WNK1: variants seen among roughly 807,000 people sequenced by gnomAD.
The protein encoded by WNK1 is serine/threonine-protein kinase WNK1.
Under a neutral mutation model 222.8 loss-of-function variants are expected in WNK1, and 38 were observed. That is an observed-to-expected ratio of 0.17 (90% CI 0.13 to 0.22). WNK1 has a LOEUF of 0.22. Ranked by LOEUF, WNK1 falls within the 10% of genes least tolerant of loss-of-function variation. The pLI, the probability that WNK1 is intolerant of heterozygous loss-of-function variation, is 1.00. For synonymous variants in WNK1, 1,090 were observed against 1,092.9 expected (o/e 1.00, Z 0.05); for missense variants, 2,348 against 2,918.4 (o/e 0.80, Z 4.50).
At position 865,336 on chromosome 12, in the gene WNK1, C is replaced by T. The variant is rs1395497083; in HGVS notation, c.2139+3066C>T. 5 of 1,536,152 alleles carry T rather than the reference C, an allele frequency of 3.3e-6. No homozygotes were observed. In the South Asian group the frequency reaches 3.6e-5, roughly 11 times the overall value. On this transcript the variant is annotated intron_variant, in intron 8 of 27. Coordinates refer to ENST00000315939, the MANE Select transcript of WNK1 (RefSeq NM_018979.4). Reference sequence around the variant, plus strand: ...GCCTCTCAGCGCAAGCACCGACGCTCCAGCCTGCCTTCCCTCTTTGTCAGT... The same window carrying T: ...GCCTCTCAGCGCAAGCACCGACGCTTCAGCCTGCCTTCCCTCTTTGTCAGT...
chr12:840,751 T>C (rs1047179784), intron 4 of WNK1, among the ~76,000 whole-genome samples: 8 of 152,230 alleles, frequency 5.3e-5, no homozygotes, highest in African/African-American at 1.9e-4. Flanking sequence ...TGTAAGAAAT[T>C]ACTGATCTAC....
intron 1 of WNK1, among the ~76,000 whole-genome samples, chr12:781,547 G>A (rs901996222): frequency 7.2e-5 from 11 of 152,166 alleles, no homozygotes; most frequent in Non-Finnish European, 1.5e-4. Context: ...TGTGTGTGAA[G>A]TTTTATAATT....
In WNK1 at chr12:900,683, C is replaced by T. The variant is rs765477070; in HGVS notation, c.6643+13C>T. 5 of 1,614,094 alleles carry T rather than the reference C, an allele frequency of 3.1e-6. No individual in the cohort carries two copies. The Admixed American group carries it at 6.7e-5, about 22-fold the overall frequency. ...GCTCCAGGTCAAGGTAATAAAGCAA[C>T]CATCATCGTCCAAAAACAATAAAAT... On this transcript the variant is annotated intron_variant, in intron 26 of 27. Transcript: ENST00000315939.
intron 4 of WNK1, among the ~76,000 whole-genome samples, chr12:840,944 C>T (rs1242510681): frequency 2.0e-5 from 3 of 152,124 alleles, no homozygotes; most frequent in Admixed American, 2.0e-4. Flanking sequence ...AACTCAAAAG[C>T]TCAGTTGAGA....
chr12:829,892 C>G, intron 3 of WNK1, 111 bp from the exon 4 acceptor site: 2 of 1,148,250 alleles, frequency 1.7e-6, no homozygotes, highest in Admixed American at 3.6e-5. Flanking sequence ...CCTTTTTTCT[C>G]CCCATTCCAA....
chr12:838,487 T>C (rs1949374741), intron 4 of WNK1, among the ~76,000 whole-genome samples: 1 of 152,144 alleles, frequency 6.6e-6, no homozygotes, highest in Admixed American at 6.6e-5. Context: ...CAATCTCGGC[T>C]CACTGCAGTT....
At position 767,234 on chromosome 12, in the gene WNK1, GTTTTTTTTTTTTTTTTTTT is replaced by G. The variant is rs71051382; in HGVS notation, c.759+12927_759+12945del. Among the ~76,000 whole-genome samples the G allele has an allele frequency of 2.3e-4, 16 of 70,862 alleles. 1 individual carries two copies. Among genetic ancestry groups the G allele is most frequent in the African/African-American group, 6.4e-4 (10 of 15,732 alleles). The allele number at this position is 70,862 out of a possible 152,430, so 46.5% of individuals were successfully genotyped here. ...TGTGGCAGACTTTCTGGGTTGATAG[GTTTTTTTTTTTTTTTTTTT>G]TTTTTTTTTTTTTTTTGGAGACAGA... On this transcript the variant is annotated intron_variant, in intron 1 of 27. Transcript: ENST00000315939.
At chr12:819,215 A>T (rs758458835) in intron 2 of WNK1, among the ~76,000 whole-genome samples, 17 of 152,082 alleles carry the variant, frequency 1.1e-4, no homozygotes, top group Non-Finnish European at 2.2e-4. Context: ...TTGATTTATT[A>T]GAGTTCTTTA....
chr12:763,989 C>T (rs1941366526), intron 1 of WNK1, among the ~76,000 whole-genome samples: 1 of 147,010 alleles, frequency 6.8e-6, no homozygotes, highest in Non-Finnish European at 1.5e-5. Flanking sequence ...ATGTAATCTC[C>T]AGTAAGAAGT....
chr12:809,417 C>T (rs1024957453), intron 1 of WNK1, among the ~76,000 whole-genome samples: 2 of 151,506 alleles, frequency 1.3e-5, no homozygotes. Context: ...CTTCTTTATG[C>T]GATAGACCCC....
At position 878,296 on chromosome 12, in the gene WNK1, A is replaced by G. The variant is rs777684791; in HGVS notation, c.2308A>G (p.Thr770Ala). The change falls in exon 10 of 28, where the codon ACT becomes GCT. Residue 770 changes from threonine to alanine, a missense_variant. By Grantham distance (58) the Thr-to-Ala change is moderately conservative (BLOSUM62 0). Transcript: ENST00000315939. ...GACATCAACCTCCAGTGAGGCCACT[A>G]CTGCACAGCCAGTGAGTCAGCCTCA... ...SQTSTSSEAT[T>A]AQPVSQPQAP... 3 of 1,614,032 alleles carry G rather than the reference A, an allele frequency of 1.9e-6. No individual in the cohort carries two copies. The highest frequency in any genetic ancestry group is 1.3e-5 in the African/African-American group (1 of 75,018).
intron 2 of WNK1, among the ~76,000 whole-genome samples, chr12:826,294 T>C (rs1948355065): frequency 6.6e-6 from 1 of 152,226 alleles, no homozygotes; most frequent in Non-Finnish European, 1.5e-5. Flanking sequence ...AGTAGTCACA[T>C]TTGGCTAGTG....
intron 1 of WNK1, among the ~76,000 whole-genome samples, chr12:783,488 A>AT (rs1175812512): frequency 1.1e-5 from 1 of 88,820 alleles, no homozygotes; most frequent in East Asian, 6.7e-4. Context: ...TGCTGTCTCC[A>AT]CCAAAAAAAA....
intron 8 of WNK1, among the ~76,000 whole-genome samples, chr12:866,157 A>G (rs1352901321): frequency 1.3e-5 from 2 of 152,216 alleles, no homozygotes; most frequent in African/African-American, 4.8e-5. Flanking sequence ...ATGAAGAACT[A>G]TACAGTGTTA....
Position 889,185 on chromosome 12 carries a change from C to G in WNK1, c.5410C>G (p.Leu1804Val), listed in dbSNP as rs753866397. 16 of 1,614,102 alleles carry G rather than the reference C, an allele frequency of 9.9e-6. No homozygotes were observed. The highest frequency in any genetic ancestry group is 2.2e-5 in the East Asian group (1 of 44,860). ...EDLDAQLRRT[L>V]SPEMITVTSA... Reference sequence around the variant, plus strand: ...TCTTGATGCTCAATTGAGAAGAACACTTAGTCCAGAGATGATCACAGTGAC... The same window carrying G: ...TCTTGATGCTCAATTGAGAAGAACAGTTAGTCCAGAGATGATCACAGTGAC... Residue 1804 changes from leucine (L) to valine (V), a missense_variant, in exon 21 of 28, where the codon CTT becomes GTT. By Grantham distance (32) the Leu-to-Val change is conservative. This residue lies in a region of WNK1 where 1,144 missense variants were observed against 1,273.6 expected (regional missense o/e 0.90). Transcript: ENST00000315939.
intron 26 of WNK1, 135 bp from the exon 27 acceptor site, chr12:907,712 T>TC (rs200028994): frequency 9.6e-7 from 1 of 1,038,146 alleles, no homozygotes; most frequent in East Asian, 2.4e-5. Context: ...CTTGGAATCT[T>TC]CCCTCTTGCA....
intron 8 of WNK1, among the ~76,000 whole-genome samples, chr12:864,630 G>C (rs1951485792): frequency 6.6e-6 from 1 of 152,138 alleles, no homozygotes. Flanking sequence ...ATAGAAATGA[G>C]AATCTTTTTC....
At position 862,119 on chromosome 12, in the gene WNK1, T is replaced by C; in HGVS notation, c.1988T>C (p.Val663Ala). 1 of 1,614,096 alleles carries C rather than the reference T, an allele frequency of 6.2e-7. No homozygotes were observed. The highest frequency in any genetic ancestry group is 8.5e-7 in the Non-Finnish European group (1 of 1,179,984). ...GTVDSGQGSSVFTESRVSSQQ... is the reference protein window; with the variant it reads ...GTVDSGQGSSAFTESRVSSQQ... ...GTTGACAGTGGTCAGGGATCCTCTGTCTTCACAGAATCTCGAGTGAGCAGC... is the reference window on the plus strand; with the variant it reads ...GTTGACAGTGGTCAGGGATCCTCTGCCTTCACAGAATCTCGAGTGAGCAGC... Residue 663 changes from valine (V) to alanine (A), a missense_variant, in exon 8 of 28, where the codon GTC (valine) becomes GCC (alanine). Val to Ala is a moderately conservative substitution (Grantham distance 64). Transcript: ENST00000315939.
chr12:810,012 G>A lies in WNK1; in HGVS notation c.760-3630G>A, dbSNP rs1219022393. 2.0e-5 allele frequency among the ~76,000 whole-genome samples: 3 copies of A among 152,144 alleles called. No homozygotes were observed. In the East Asian group the frequency reaches 5.8e-4, roughly 29 times the overall value. On this transcript the variant is annotated intron_variant, in intron 1 of 27. Coordinates refer to ENST00000315939, the MANE Select transcript of WNK1 (RefSeq NM_018979.4). The stretch of plus-strand genomic sequence containing the variant: ...CACGTCTGTAATCCCAGCACTTTGG[G>A]TGGCTGAGATGGGCAGATCACAAGG...
Sources: gnomAD v4.1 joint callset for allele counts (sites outside exome capture counted in the v4.1 genomes callset) on GRCh38, gnomAD v4.1.1 for gene constraint, gnomAD v4.1.1 regional missense constraint, MANE v1.5 for transcripts, NCBI Gene and HGNC (gene_info 2026-07-23, HGNC 2026-07-21) for gene names.